LIMS4: variants seen among roughly 807,000 people sequenced by gnomAD.
The protein encoded by LIMS4 is LIM zinc finger domain containing 4, also known as LIM and senescent cell antigen-like-containing domain protein 4.
chr2:110,391,888 T>A, the LIMS4 span, among the ~76,000 whole-genome samples: 1 of 150,290 alleles, frequency 6.7e-6, no homozygotes, highest in Admixed American at 6.6e-5. Context: ...CAAGTTCACA[T>A]GGCAGCAATC....
chr2:110,386,773 C>T, the LIMS4 span: 42 of 716,718 alleles, frequency 5.9e-5, no homozygotes, highest in Non-Finnish European at 8.2e-5. Context: ...AAAGGCTCGG[C>T]GAGCACAGCG....
chr2:110,361,988 C>A, the LIMS4 span: 3 of 1,142,420 alleles, frequency 2.6e-6, no homozygotes, highest in Non-Finnish European at 3.8e-6. Flanking sequence ...ACCAACTCTC[C>A]TTGTGTAGTG....
the LIMS4 span, among the ~76,000 whole-genome samples, chr2:110,395,265 CAG>C: frequency 2.3e-5 from 1 of 43,936 alleles, no homozygotes; most frequent in Non-Finnish European, 4.2e-5. Context: ...CTAAGCCTGA[CAG>C]GGTATGAGCT....
At chr2:110,367,588 A>G in the LIMS4 span, among the ~76,000 whole-genome samples, 1 of 140,858 alleles carries the variant, frequency 7.1e-6, no homozygotes, top group Non-Finnish European at 1.5e-5. Flanking sequence ...AAGAGGGATT[A>G]AAGACTTAAA....
chr2:110,395,720 G>A, the LIMS4 span, among the ~76,000 whole-genome samples: 1 of 77,006 alleles, frequency 1.3e-5, no homozygotes, highest in Admixed American at 1.5e-4. Flanking sequence ...ATGCTGTCAT[G>A]GGTGATGGAA....
the LIMS4 span, chr2:110,361,334 C>T: frequency 7.5e-7 from 1 of 1,324,750 alleles, no homozygotes; most frequent in Non-Finnish European, 1.1e-6. Context: ...ACGCTGGCAG[C>T]AGGGTTGTTT....
chr2:110,367,877 C>T, the LIMS4 span, among the ~76,000 whole-genome samples: 1 of 140,706 alleles, frequency 7.1e-6, no homozygotes, highest in African/African-American at 3.0e-5. Context: ...AATGAGACCC[C>T]TCTCAAAAAA....
chr2:110,367,088 C>T, the LIMS4 span, among the ~76,000 whole-genome samples: 169 of 150,636 alleles, frequency 1.1e-3, no homozygotes, highest in South Asian at 2.7e-3. Context: ...CCAAACAAAT[C>T]GAAAAACACT....
At chr2:110,378,925 CTT>C in the LIMS4 span, among the ~76,000 whole-genome samples, 2 of 146,184 alleles carry the variant, frequency 1.4e-5, no homozygotes, top group Admixed American at 1.3e-4. Context: ...ATAAAGCTCT[CTT>C]TTCTAAATTT....
the LIMS4 span, among the ~76,000 whole-genome samples, chr2:110,401,072 A>G: frequency 8.3e-3 from 847 of 102,398 alleles, 1 homozygote; most frequent in African/African-American, 0.026. Context: ...GCAGTAAGGC[A>G]GAGAGAGAGG....
chr2:110,359,231 C>T, the LIMS4 span: 4 of 137,212 alleles, frequency 2.9e-5, no homozygotes, highest in South Asian at 2.5e-4. Context: ...TTCGAGGAAC[C>T]GAACATTGAC....
chr2:110,382,147 A>C, the LIMS4 span, among the ~76,000 whole-genome samples: 2 of 104,424 alleles, frequency 1.9e-5, no homozygotes, highest in Non-Finnish European at 3.7e-5. Flanking sequence ...ATATATATAT[A>C]TATACATGTT....
chr2:110,361,445 ACTTT>A, the LIMS4 span: 1 of 670,846 alleles, frequency 1.5e-6, no homozygotes, highest in South Asian at 1.7e-5. Context: ...AGGACTGGCC[ACTTT>A]CTTGGTTTCC....
At chr2:110,365,705 A>T in the LIMS4 span, among the ~76,000 whole-genome samples, 3 of 134,358 alleles carry the variant, frequency 2.2e-5, no homozygotes, top group African/African-American at 9.6e-5. Context: ...AAATAAAGTG[A>T]TGCATGAAAA....
the LIMS4 span, among the ~76,000 whole-genome samples, chr2:110,425,251 G>T: frequency 7.0e-6 from 1 of 143,592 alleles, no homozygotes; most frequent in Non-Finnish European, 1.5e-5. Context: ...GCTGGGCATG[G>T]TGGCAAACCT....
chr2:110,396,045 G>C, the LIMS4 span, among the ~76,000 whole-genome samples: 1 of 136,348 alleles, frequency 7.3e-6, no homozygotes, highest in Non-Finnish European at 1.5e-5. Flanking sequence ...GGATGAGGGC[G>C]TAGCTAGAGA....
At chr2:110,419,000 CTT>C in the LIMS4 span, among the ~76,000 whole-genome samples, 1 of 85,262 alleles carries the variant, frequency 1.2e-5, no homozygotes, top group African/African-American at 5.3e-5. Flanking sequence ...TTGATTTTCT[CTT>C]TCTCTTCTTC....
At chr2:110,367,813 G>A in the LIMS4 span, among the ~76,000 whole-genome samples, 1 of 139,976 alleles carries the variant, frequency 7.1e-6, no homozygotes, top group East Asian at 2.1e-4. Context: ...AGCCTGGGAG[G>A]TGGAGATTGC....
chr2:110,362,800 TG>T, the LIMS4 span: 4 of 364,170 alleles, frequency 1.1e-5, no homozygotes, highest in East Asian at 1.2e-4. Flanking sequence ...GACACCTTTC[TG>T]GGGGCTTGTG....
Sources: allele counts gnomAD v4.1 joint callset (sites outside exome capture counted in the v4.1 genomes callset), GRCh38; gene constraint gnomAD v4.1.1; transcripts MANE v1.5; gene names NCBI Gene and HGNC (gene_info 2026-07-23, HGNC 2026-07-21).